The following TRIM9 variants were observed in gnomAD, a reference collection of about 807,000 sequenced individuals.
The protein encoded by TRIM9 is E3 ubiquitin-protein ligase TRIM9.
TRIM9 carries 26 observed loss-of-function variants against 78.3 expected under a neutral mutation model. The observed-to-expected ratio is 0.33, with a 90% CI of 0.24 to 0.46. The LOEUF (loss-of-function observed/expected upper bound fraction) is 0.46. Among genes scored for constraint, TRIM9 ranks in the 20% least tolerant of loss-of-function variants. TRIM9 has a pLI of 1.00. For missense variants in TRIM9, 787 were observed against 1,036.4 expected, an observed-to-expected ratio of 0.76 and a Z score of 3.30; for synonymous variants, 398 against 416.5, an observed-to-expected ratio of 0.96 and a Z score of 0.54.
intron 3 of TRIM9, among the ~76,000 whole-genome samples, chr14:51,014,156 T>G (rs187655812): frequency 6.6e-6 from 1 of 152,366 alleles, no homozygotes; most frequent in African/African-American, 2.4e-5. Flanking sequence ...GATGCATTCA[T>G]GTACTGAAAT....
At chr14:51,048,572 C>CAGAAGAGGTGA (rs11268378) in intron 1 of TRIM9, among the ~76,000 whole-genome samples, 1 of 151,696 alleles carries the variant, frequency 6.6e-6, no homozygotes, top group African/African-American at 2.4e-5. Flanking sequence ...GCTGGGGATC[C>CAGAAGAGGTGA]TAGGCACATA....
chr14:51,075,130 C>T (rs1206609270), intron 1 of TRIM9, among the ~76,000 whole-genome samples: 1 of 152,124 alleles, frequency 6.6e-6, no homozygotes, highest in Non-Finnish European at 1.5e-5. Context: ...TTATTTTATA[C>T]ACGAGAAGCT....
intron 1 of TRIM9, among the ~76,000 whole-genome samples, chr14:51,048,971 G>A (rs569061537): frequency 7.5e-5 from 11 of 147,156 alleles, no homozygotes; most frequent in African/African-American, 2.6e-4. Context: ...GTGACAGCAT[G>A]AGACTCCATC....
At chr14:50,980,419 A>C (rs959895272) in intron 11 of TRIM9, among the ~76,000 whole-genome samples, 1 of 152,228 alleles carries the variant, frequency 6.6e-6, no homozygotes, top group African/African-American at 2.4e-5. Context: ...AGCAGAGCAC[A>C]GGAATTTGTG....
intron 3 of TRIM9, among the ~76,000 whole-genome samples, chr14:51,021,661 A>G (rs1212672951): frequency 6.6e-6 from 1 of 151,902 alleles, no homozygotes; most frequent in Non-Finnish European, 1.5e-5. Flanking sequence ...CATACCCACC[A>G]CCCACCAGTA....
intron 1 of TRIM9, among the ~76,000 whole-genome samples, chr14:51,064,441 GAATA>G (rs1229747879): frequency 6.6e-6 from 1 of 151,826 alleles, no homozygotes. Context: ...CTAGCAGACG[GAATA>G]AATAAGTCCC....
At chr14:51,086,437 T>G (rs979730310) in intron 1 of TRIM9, among the ~76,000 whole-genome samples, 2 of 152,244 alleles carry the variant, frequency 1.3e-5, no homozygotes, top group Non-Finnish European at 2.9e-5. Context: ...GGCTTTCAAA[T>G]TTAATGATTA....
chr14:51,053,594 A>ATTTTTTTTTTTTTTTTTTTTTTTTTTT (rs2060631566), intron 1 of TRIM9, among the ~76,000 whole-genome samples: 1 of 29,780 alleles, frequency 3.4e-5, no homozygotes, highest in East Asian at 5.8e-4. Flanking sequence ...TTTTTTTTTT[A>ATTTTTTTTTTTTTTTTTTTTTTTTTTT]ATTTTTTTTT....
chr14:51,060,373 A>G (rs1436016724), intron 1 of TRIM9, among the ~76,000 whole-genome samples: 1 of 152,172 alleles, frequency 6.6e-6, no homozygotes, highest in East Asian at 1.9e-4. Context: ...TAATTTTCTT[A>G]TATTTATACA....
chr14:51,000,275 T>C (rs1400406749), intron 6 of TRIM9, among the ~76,000 whole-genome samples: 1 of 152,224 alleles, frequency 6.6e-6, no homozygotes, highest in Non-Finnish European at 1.5e-5. Context: ...CTAGGCAGCA[T>C]GCTAAGAATT....
intron 1 of TRIM9, among the ~76,000 whole-genome samples, chr14:51,060,659 G>T (rs950265625): frequency 6.6e-6 from 1 of 152,104 alleles, no homozygotes; most frequent in East Asian, 1.9e-4. Context: ...AGTAGAAACG[G>T]GGTTTCGCCG....
At position 50,979,411 on chromosome 14, in the gene TRIM9, C is replaced by T. The variant is rs766028649; in HGVS notation, c.2301G>A (p.Ala767=). ...CCTGCACGTTCCTGTTCAGGCTGAC[C>T]GCAGGGAAGAAGAGGCCCTCCACGT... ...FDNVEGLFFP[A]VSLNRNVQVT... Residue 767 remains alanine, a synonymous_variant, in exon 12 of 13, where the codon GCG becomes GCA. Coordinates refer to ENST00000684578, the MANE Select transcript of TRIM9 (RefSeq NM_001387360.1). 2.6e-5 allele frequency: 42 copies of T among 1,614,016 alleles called. No homozygotes were observed. Among genetic ancestry groups the T allele is most frequent in the African/African-American group, 1.2e-4 (9 of 74,896 alleles).
chr14:51,013,266 C>T (rs1263891221), intron 3 of TRIM9, among the ~76,000 whole-genome samples: 1 of 151,494 alleles, frequency 6.6e-6, no homozygotes, highest in Non-Finnish European at 1.5e-5. Context: ...CAATTTTCCC[C>T]ACACCACTTA....
At chr14:51,020,248 GA>G (rs2057619754) in intron 3 of TRIM9, among the ~76,000 whole-genome samples, 1 of 152,180 alleles carries the variant, frequency 6.6e-6, no homozygotes, top group Non-Finnish European at 1.5e-5. Context: ...AGAGTGACAA[GA>G]AAGGGAAAAG....
At chr14:51,004,958 C>G (rs910961270) in intron 5 of TRIM9, among the ~76,000 whole-genome samples, 2 of 152,280 alleles carry the variant, frequency 1.3e-5, no homozygotes, top group East Asian at 1.9e-4. Flanking sequence ...GTTGGGAATG[C>G]AATTTTACTG....
At chr14:51,059,806 A>C (rs2061190016) in intron 1 of TRIM9, among the ~76,000 whole-genome samples, 1 of 151,650 alleles carries the variant, frequency 6.6e-6, no homozygotes, top group African/African-American at 2.4e-5. Flanking sequence ...TCAAAAAAAA[A>C]AAAACAAAAA....
At chr14:50,993,103 T>C (rs1484532541) in intron 7 of TRIM9, among the ~76,000 whole-genome samples, 1 of 152,150 alleles carries the variant, frequency 6.6e-6, no homozygotes, top group East Asian at 1.9e-4. Flanking sequence ...CATTTGGTAG[T>C]ATCAGAGCCT....
Position 51,058,818 on chromosome 14 carries a change from G to A in TRIM9, c.823-33458C>T, listed in dbSNP as rs566076656. On this transcript the variant is annotated intron_variant, in intron 1 of 12. Coordinates refer to ENST00000684578, the MANE Select transcript of TRIM9 (RefSeq NM_001387360.1). ...ACAAATGCTCTGAAGATTATGGATG[G>A]GATTTGTTATAAGCTTTTGGAAGAA... 3.1e-4 allele frequency among the ~76,000 whole-genome samples: 47 copies of A among 152,292 alleles called. No homozygotes were observed. In the South Asian group the frequency reaches 5.4e-3, roughly 17 times the overall value.
chr14:51,031,315 T>C (rs555391650), intron 1 of TRIM9, among the ~76,000 whole-genome samples: 1 of 152,206 alleles, frequency 6.6e-6, no homozygotes, highest in South Asian at 2.1e-4. Flanking sequence ...AAGGCTGAAT[T>C]CCTAAGATGA....
Sources: allele counts gnomAD v4.1 joint callset (sites outside exome capture counted in the v4.1 genomes callset), GRCh38; gene constraint gnomAD v4.1.1; transcripts MANE v1.5; gene names NCBI Gene and HGNC (gene_info 2026-07-23, HGNC 2026-07-21).